ZNF484: variants seen among roughly 807,000 people sequenced by gnomAD.
ZNF484 encodes the protein zinc finger protein 484, also known as KRAB box containing C2H2 type zinc finger bA526D8.4.
A neutral mutation model predicts 12.9 loss-of-function variants in ZNF484; 11 were observed. That is an observed-to-expected ratio of 0.85 (90% CI 0.54 to 1.41). The LOEUF (loss-of-function observed/expected upper bound fraction) is 1.41. ZNF484 is among the 40% of genes most tolerant of loss of function. The pLI, the probability that ZNF484 is intolerant of heterozygous loss-of-function variation, is 0.00. For missense variants in ZNF484, 807 were observed against 1,007.7 expected, an observed-to-expected ratio of 0.80 and a Z score of 2.70; for synonymous variants, 289 against 334.1, an observed-to-expected ratio of 0.86 and a Z score of 1.47.
intron 3 of ZNF484, 29 bp from the exon 4 acceptor site, chr9:92,855,932 A>G: frequency 6.2e-7 from 1 of 1,609,130 alleles, no homozygotes; most frequent in Non-Finnish European, 8.5e-7. Context: ...AGAGGACTTG[A>G]TTTCAGAGGC....
Position 92,845,117 on chromosome 9 carries a change from CATCTA to C in ZNF484, c.*1106_*1110del, listed in dbSNP as rs1855508245. 1 of 152,000 alleles carries C rather than the reference CATCTA, an allele frequency of 6.6e-6. No individual in the cohort carries two copies. The highest frequency in any genetic ancestry group is 2.4e-5 in the African/African-American group (1 of 41,402). The allele number at this position is 152,000 out of a possible 1,614,324, so 9.4% of individuals were successfully genotyped here. On this transcript the variant is annotated 3_prime_UTR_variant, in exon 5 of 5. Transcript: ENST00000375495. The surrounding 1 kb of genome is among the most constrained non-coding windows in gnomAD (Gnocchi z 4.0). The stretch of plus-strand genomic sequence containing the variant: ...AAAAATTACTAGAGATAAAAAGAAA[CATCTA>C]ATAATGATAATGTGTCAATTAACCA...
At position 92,848,954 on chromosome 9, in the gene ZNF484, T is replaced by TAAATAAAA. The variant is rs1855885974; in HGVS notation, c.236-404_236-403insTTTTATTT. Among the ~76,000 whole-genome samples, 1 of 135,478 alleles carries TAAATAAAA rather than the reference T, an allele frequency of 7.4e-6. No individual in the cohort carries two copies. Among genetic ancestry groups the TAAATAAAA allele is most frequent in the African/African-American group, 2.7e-5 (1 of 37,464 alleles). The allele number at this position is 135,478 out of a possible 152,430, so 88.9% of individuals were successfully genotyped here. A position where few individuals can be genotyped will look rare whatever the true frequency, so the allele number is the denominator to read the frequency against. On this transcript the variant is annotated intron_variant, in intron 4 of 4. Coordinates refer to ENST00000375495, the MANE Select transcript of ZNF484 (RefSeq NM_031486.4). The surrounding 1 kb of genome is among the most constrained non-coding windows in gnomAD (Gnocchi z 4.1). ...ATAAATAAATAAATAAATAAATAAATAAAAATACAATAGACCTTTGATTCA... is the reference window on the plus strand; with the variant it reads ...ATAAATAAATAAATAAATAAATAAATAAATAAAAAAAAATACAATAGACCTTTGATTCA...
intron 2 of ZNF484, among the ~76,000 whole-genome samples, chr9:92,861,536 A>G (rs943244483): frequency 1.3e-5 from 2 of 152,252 alleles, no homozygotes; most frequent in Non-Finnish European, 2.9e-5. Flanking sequence ...TGATCTCAAC[A>G]GCAGAATGGA....
intron 2 of ZNF484, among the ~76,000 whole-genome samples, chr9:92,868,451 G>A (rs577650471): frequency 4.6e-5 from 7 of 152,262 alleles, no homozygotes; most frequent in African/African-American, 1.7e-4. Context: ...TTCCTCCTCT[G>A]TAAAATGAGA....
Position 92,866,574 on chromosome 9 carries a change from A to T in ZNF484, c.15+8441T>A, listed in dbSNP as rs536456005. On this transcript the variant is annotated intron_variant, in intron 2 of 4. Coordinates refer to ENST00000375495, the MANE Select transcript of ZNF484 (RefSeq NM_031486.4). ...TAAATTAGTTCAACCATTGTGGAAG[A>T]CAGTGTGGCAATTCCTCAAGGATCT... Among the ~76,000 whole-genome samples the T allele has an allele frequency of 1.2e-4, 18 of 152,354 alleles. No individual in the cohort carries two copies. The South Asian group carries it at 3.7e-3, about 32-fold the overall frequency.
At position 92,847,834 on chromosome 9, in the gene ZNF484, C is replaced by T. The variant is rs565502048; in HGVS notation, c.953G>A (p.Arg318His). ...YEKDFSLKSN[R>H]QKTPYEGNYY... Reference sequence around the variant, plus strand: ...ATTCCCCTCATAAGGAGTTTTCTGACGGTTTGACTTGAGGGAAAAATCCTT... The same window carrying T: ...ATTCCCCTCATAAGGAGTTTTCTGATGGTTTGACTTGAGGGAAAAATCCTT... The change falls in exon 5 of 5, where the codon CGT becomes CAT. Residue 318 changes from arginine to histidine, a missense_variant. Transcript: ENST00000375495. The T allele has an allele frequency of 1.6e-4, 260 of 1,614,078 alleles. 2 individuals carry two copies. In the Admixed American group the frequency reaches 1.8e-3, roughly 11 times the overall value.
chr9:92,856,102 C>A, intron 3 of ZNF484, 90 bp downstream of exon 3: 1 of 1,552,300 alleles, frequency 6.4e-7, no homozygotes, highest in Non-Finnish European at 8.7e-7. Context: ...CCACATACCT[C>A]AGAAAACACA....
intron 2 of ZNF484, among the ~76,000 whole-genome samples, chr9:92,864,621 T>C (rs1469463946): frequency 2.0e-5 from 3 of 152,186 alleles, no homozygotes; most frequent in Admixed American, 2.0e-4. Flanking sequence ...TTACAGACTC[T>C]TAAGCTTTTA....
In ZNF484 at chr9:92,875,804, A is replaced by T. The variant is rs148686141; in HGVS notation, c.-30-745T>A. Among the ~76,000 whole-genome samples the T allele has an allele frequency of 1.6e-3, 245 of 152,330 alleles. 1 individual carries two copies. The highest frequency in any genetic ancestry group is 5.6e-3 in the African/African-American group (232 of 41,580). ...CAGGAACTCAATCAATGAACAAATC[A>T]GGGGAAATTCTTGCATGTATAGAAT... On this transcript the variant is annotated intron_variant, in intron 1 of 4. Transcript: ENST00000375495.
intron 2 of ZNF484, 56 bp downstream of exon 2, chr9:92,874,959 A>G (rs1034336351): frequency 4.5e-6 from 7 of 1,559,646 alleles, no homozygotes; most frequent in Non-Finnish European, 6.2e-6. Flanking sequence ...GTCTCCTAAA[A>G]TCCACTAAAA....
At chr9:92,860,979 A>AAT (rs1326674313) in intron 2 of ZNF484, among the ~76,000 whole-genome samples, 1 of 152,186 alleles carries the variant, frequency 6.6e-6, no homozygotes, top group Non-Finnish European at 1.5e-5. Flanking sequence ...ATATAAAATG[A>AAT]ATCAGAATCA....
chr9:92,865,004 A>G (rs1051536570), intron 2 of ZNF484, among the ~76,000 whole-genome samples: 1 of 152,202 alleles, frequency 6.6e-6, no homozygotes, highest in Admixed American at 6.6e-5. Context: ...TTTGTGATGT[A>G]GACAGAAATC....
intron 2 of ZNF484, among the ~76,000 whole-genome samples, chr9:92,858,802 TCAAGA>T (rs762645800): frequency 3.3e-5 from 5 of 151,138 alleles, no homozygotes; most frequent in Non-Finnish European, 5.9e-5. Context: ...ATATAAAAAG[TCAAGA>T]AAGGAATGAA....
intron 4 of ZNF484, among the ~76,000 whole-genome samples, chr9:92,852,835 C>T (rs760837042): frequency 5.9e-5 from 9 of 152,036 alleles, no homozygotes; most frequent in Non-Finnish European, 1.3e-4. Context: ...CTGTGCCCAG[C>T]CAAAATATGT....
intron 2 of ZNF484, among the ~76,000 whole-genome samples, chr9:92,872,064 C>T (rs1222542170): frequency 1.3e-5 from 2 of 151,994 alleles, no homozygotes; most frequent in East Asian, 3.9e-4. Flanking sequence ...AACCCCGTCT[C>T]TACTAAAACA....
At chr9:92,849,812 T>C (rs1482662011) in intron 4 of ZNF484, among the ~76,000 whole-genome samples, 1 of 151,694 alleles carries the variant, frequency 6.6e-6, no homozygotes, top group Non-Finnish European at 1.5e-5. Context: ...TTTTTTTTTT[T>C]CTTTTTTAAG....
chr9:92,848,471 A>C lies in ZNF484; in HGVS notation c.316T>G (p.Phe106Val), dbSNP rs142712699. The C allele has an allele frequency of 3.3e-5, 53 of 1,613,692 alleles. No individual in the cohort carries two copies. The African/African-American group carries it at 6.8e-4, about 21-fold the overall frequency. The change falls in exon 5 of 5, where the codon TTC becomes GTC. Residue 106 changes from phenylalanine to valine, a missense_variant. By Grantham distance (50) the Phe-to-Val change is conservative. Transcript: ENST00000375495. The surrounding 1 kb of genome is among the most constrained non-coding windows in gnomAD (Gnocchi z 4.1). ...SFQSEININL[F>V]TRDDPYSILE... ...ATGGAATATGGGTCATCTCTTGTGA[A>C]GAGATTAATATTAATCTCAGACTGG...
At chr9:92,863,766 C>T (rs1400699911) in intron 2 of ZNF484, among the ~76,000 whole-genome samples, 3 of 152,106 alleles carry the variant, frequency 2.0e-5, no homozygotes, top group African/African-American at 4.8e-5. Flanking sequence ...ATTGAGATTA[C>T]AGGGATTAAA....
intron 2 of ZNF484, among the ~76,000 whole-genome samples, chr9:92,872,506 A>C (rs1462163532): frequency 6.7e-6 from 1 of 149,310 alleles, no homozygotes; most frequent in East Asian, 1.9e-4. Flanking sequence ...AAAAAAAAAA[A>C]AAAAAAGTTA....
Sources: allele counts gnomAD v4.1 joint callset (sites outside exome capture counted in the v4.1 genomes callset), GRCh38; gene constraint gnomAD v4.1.1; non-coding constraint Gnocchi (gnomAD v3.1); transcripts MANE v1.5; gene names NCBI Gene and HGNC (gene_info 2026-07-23, HGNC 2026-07-21).